Variants in LHFPL3 observed in about 807,000 individuals in gnomAD.
LHFPL3 encodes the protein LHFPL tetraspan subfamily member 3 protein.
LHFPL3 carries 5 observed loss-of-function variants against 19.3 expected under a neutral mutation model. The ratio of observed to expected loss-of-function variants is 0.26; its 90% CI spans 0.14 to 0.54. The LOEUF (loss-of-function observed/expected upper bound fraction) is 0.54. Ranked by LOEUF, LHFPL3 falls within the 20% of genes least tolerant of loss-of-function variation. The pLI is 0.94. For synonymous variants in LHFPL3, 133 were observed against 126.2 expected (o/e 1.05, Z -0.36); for missense variants, 249 against 307.4 (o/e 0.81, Z 1.42).
At chr7:104,641,382 C>T (rs1027086114) in intron 1 of LHFPL3, among the ~76,000 whole-genome samples, 2 of 152,196 alleles carry the variant, frequency 1.3e-5, no homozygotes, top group Non-Finnish European at 2.9e-5. Flanking sequence ...GAGAACATAA[C>T]ATGCTCAGTA....
At chr7:104,476,346 G>A (rs34072127) in intron 1 of LHFPL3, among the ~76,000 whole-genome samples, 42,930 of 152,068 alleles carry the variant, frequency 0.28, 6,853 homozygotes, top group Non-Finnish European at 0.37. Context: ...GACTGTTGTT[G>A]CCTCTTCAGT....
At chr7:104,599,205 G>T (rs1790919406) in intron 1 of LHFPL3, among the ~76,000 whole-genome samples, 1 of 152,076 alleles carries the variant, frequency 6.6e-6, no homozygotes, top group South Asian at 2.1e-4. Context: ...ATCAATGAGG[G>T]TTATTCCTAT....
intron 1 of LHFPL3, among the ~76,000 whole-genome samples, chr7:104,710,050 C>T (rs539057003): frequency 1.3e-5 from 2 of 152,310 alleles, no homozygotes; most frequent in Admixed American, 6.5e-5. Flanking sequence ...ACTGAGTGAG[C>T]GAGACTCCGT....
chr7:104,568,731 A>T (rs1790170293), intron 1 of LHFPL3, among the ~76,000 whole-genome samples: 1 of 151,872 alleles, frequency 6.6e-6, no homozygotes, highest in African/African-American at 2.4e-5. Flanking sequence ...TCCTCCTACC[A>T]CCCATGACAT....
intron 1 of LHFPL3, chr7:104,669,231 C>T: frequency 1.2e-6 from 2 of 1,613,978 alleles, no homozygotes; most frequent in Non-Finnish European, 1.7e-6. Flanking sequence ...GATCTCAGAG[C>T]TCAGACACAG....
chr7:104,694,904 T>A (rs1302693792), intron 1 of LHFPL3, among the ~76,000 whole-genome samples: 1 of 152,230 alleles, frequency 6.6e-6, no homozygotes, highest in Non-Finnish European at 1.5e-5. Context: ...GCACTGATGA[T>A]GTCAAGGTTG....
chr7:104,758,724 C>T (rs1794325949), intron 2 of LHFPL3, among the ~76,000 whole-genome samples: 1 of 152,018 alleles, frequency 6.6e-6, no homozygotes, highest in African/African-American at 2.4e-5. Flanking sequence ...CTCAGGGAAG[C>T]GTCACTCAAA....
chr7:104,759,055 G>A (rs1056830187), intron 2 of LHFPL3, among the ~76,000 whole-genome samples: 4 of 152,140 alleles, frequency 2.6e-5, no homozygotes, highest in South Asian at 2.1e-4. Context: ...TTTAAGTCAC[G>A]CCGAGGACAA....
At chr7:104,626,913 A>G (rs1791556038) in intron 1 of LHFPL3, among the ~76,000 whole-genome samples, 1 of 152,200 alleles carries the variant, frequency 6.6e-6, no homozygotes, top group African/African-American at 2.4e-5. Flanking sequence ...GTTTTGATAT[A>G]TATAGACCTT....
At chr7:104,505,300 T>G (rs928307322) in intron 1 of LHFPL3, among the ~76,000 whole-genome samples, 1 of 152,276 alleles carries the variant, frequency 6.6e-6, no homozygotes, top group East Asian at 1.9e-4. Flanking sequence ...TGGGCTGCAT[T>G]TATTTTTAAA....
chr7:104,563,591 C>G (rs1272496166), intron 1 of LHFPL3, among the ~76,000 whole-genome samples: 1 of 152,278 alleles, frequency 6.6e-6, no homozygotes, highest in Non-Finnish European at 1.5e-5. Flanking sequence ...CTGGCACTCC[C>G]TAGTGAGAAG....
intron 1 of LHFPL3, among the ~76,000 whole-genome samples, chr7:104,630,782 T>C (rs1791625264): frequency 6.6e-6 from 1 of 152,102 alleles, no homozygotes; most frequent in Non-Finnish European, 1.5e-5. Flanking sequence ...AAGAGGACAC[T>C]GGAGCAACAG....
intron 1 of LHFPL3, among the ~76,000 whole-genome samples, chr7:104,655,666 A>C (rs1033994287): frequency 6.6e-6 from 1 of 152,242 alleles, no homozygotes; most frequent in African/African-American, 2.4e-5. Context: ...GATACAGGCT[A>C]CTTTGGCAAG....
chr7:104,774,813 G>C (rs953598260), intron 2 of LHFPL3, among the ~76,000 whole-genome samples: 1 of 152,148 alleles, frequency 6.6e-6, no homozygotes, highest in African/African-American at 2.4e-5. Flanking sequence ...TGTAGTATAA[G>C]GAGCATGCTG....
At chr7:104,356,951 G>A (rs552810082) in intron 1 of LHFPL3, among the ~76,000 whole-genome samples, 1 of 152,294 alleles carries the variant, frequency 6.6e-6, no homozygotes, top group South Asian at 2.1e-4. Context: ...GAGACCTCTG[G>A]CCTGAGAGAA....
At chr7:104,587,238 T>G (rs981086280) in intron 1 of LHFPL3, among the ~76,000 whole-genome samples, 4 of 152,214 alleles carry the variant, frequency 2.6e-5, no homozygotes, top group Non-Finnish European at 4.4e-5. Flanking sequence ...TCATTTACAT[T>G]AGGTGTATCT....
rs1439507660 is a variant in LHFPL3, at chr7:104,417,854, CTAA to C, written c.445+88632_445+88634del. 5.5e-3 allele frequency among the ~76,000 whole-genome samples: 789 copies of C among 143,546 alleles called. 52 individuals carry two copies. In the East Asian group the frequency reaches 0.12, roughly 22 times the overall value. The allele number at this position is 143,546 out of a possible 152,430, so 94.2% of individuals were successfully genotyped here. On this transcript the variant is annotated intron_variant, in intron 1 of 2. Coordinates refer to ENST00000424859, the MANE Select transcript of LHFPL3 (RefSeq NM_199000.3). ...TTTACTGTTATTCGTATTTTCTTTT[CTAA>C]TTCTTCTTCTTCTTCTTCTTCTTCT...
In LHFPL3 at chr7:104,398,799, C is replaced by A. The variant is rs559448126; in HGVS notation, c.445+69575C>A. On this transcript the variant is annotated intron_variant, in intron 1 of 2. Coordinates refer to ENST00000424859, the MANE Select transcript of LHFPL3 (RefSeq NM_199000.3). The stretch of plus-strand genomic sequence containing the variant: ...CTCTCACTCTTCTGTTCTTCGCTGG[C>A]AGATTTCTGTTGTCACCTCCTTCTG... 1.8e-4 allele frequency among the ~76,000 whole-genome samples: 28 copies of A among 151,994 alleles called. No homozygotes were observed. The South Asian group carries it at 5.6e-3, about 31-fold the overall frequency.
intron 2 of LHFPL3, among the ~76,000 whole-genome samples, chr7:104,827,251 T>C (rs2116545376): frequency 6.6e-6 from 1 of 152,142 alleles, no homozygotes; most frequent in East Asian, 1.9e-4. Flanking sequence ...GAAGGCAAGC[T>C]CCTGTTTTAT....
Sources: gnomAD v4.1 joint callset for allele counts (sites outside exome capture counted in the v4.1 genomes callset) on GRCh38, gnomAD v4.1.1 for gene constraint, MANE v1.5 for transcripts, NCBI Gene and HGNC (gene_info 2026-07-23, HGNC 2026-07-21) for gene names.